The following RAB3IP variants were observed in gnomAD, a reference collection of about 807,000 sequenced individuals.
RAB3IP encodes rab-3A-interacting protein.
RAB3IP carries 36 observed loss-of-function variants against 59.1 expected under a neutral mutation model. That is an observed-to-expected ratio of 0.61 (90% CI 0.47 to 0.80). The LOEUF (loss-of-function observed/expected upper bound fraction) is 0.80, where lower values mean the gene tolerates loss of function less well. Among genes scored for constraint, RAB3IP ranks in the 30% least tolerant of loss-of-function variants. The probability of loss-of-function intolerance (pLI) is 0.00; values close to 1 mark genes in which losing one functional copy is unlikely to be tolerated. For synonymous variants in RAB3IP, 207 were observed against 191.2 expected (o/e 1.08, Z -0.68); for missense variants, 511 against 536.0 (o/e 0.95, Z 0.46).
Position 69,812,808 on chromosome 12 carries a change from C to T in RAB3IP, c.1161C>T (p.Ser387=). 6.2e-7 allele frequency: 1 copy of T among 1,613,088 alleles called. No individual in the cohort carries two copies. The highest frequency in any genetic ancestry group is 1.3e-5 in the African/African-American group (1 of 75,008). Residue 387 remains serine (S), a synonymous_variant, in exon 9 of 11, where the codon TCC becomes TCT. Transcript: ENST00000247833. ...GTGCTCTCACTGGCCAGAGTAAGTC[C>T]TGTAAACACAGAATTAAATTAGGGG... The part of the protein sequence containing the change: ...KKCALTGQSK[S]CKHRIKLGDS...
intron 1 of RAB3IP, among the ~76,000 whole-genome samples, chr12:69,740,873 C>G (rs867108392): frequency 1.3e-5 from 2 of 152,166 alleles, no homozygotes; most frequent in African/African-American, 4.8e-5. Flanking sequence ...ATAGTAGTTA[C>G]TATACTTTTT....
At chr12:69,779,895 T>G (rs997573395) in intron 3 of RAB3IP, among the ~76,000 whole-genome samples, 1 of 152,194 alleles carries the variant, frequency 6.6e-6, no homozygotes. Context: ...TTGTTCTGAA[T>G]GCTTGTGGAT....
intron 8 of RAB3IP, among the ~76,000 whole-genome samples, chr12:69,802,104 A>C (rs1878481339): frequency 6.6e-6 from 1 of 151,592 alleles, no homozygotes; most frequent in Non-Finnish European, 1.5e-5. Flanking sequence ...ATTGTGACCT[A>C]TTAGTGGATT....
At chr12:69,745,459 CTGAA>C (rs920966802) in intron 1 of RAB3IP, among the ~76,000 whole-genome samples, 5 of 150,624 alleles carry the variant, frequency 3.3e-5, no homozygotes, top group Non-Finnish European at 7.4e-5. Flanking sequence ...CTGTAAGGAG[CTGAA>C]TAAGTATTAA....
chr12:69,758,236 G>C (rs573714297), intron 3 of RAB3IP, among the ~76,000 whole-genome samples: 1 of 152,086 alleles, frequency 6.6e-6, no homozygotes, highest in African/African-American at 2.4e-5. Flanking sequence ...TATAGATAGT[G>C]TACAGTTAGG....
chr12:69,809,490 A>C (rs1880045069), intron 8 of RAB3IP, among the ~76,000 whole-genome samples: 3 of 152,168 alleles, frequency 2.0e-5, no homozygotes, highest in Admixed American at 6.5e-5. Flanking sequence ...TATCCTGCAG[A>C]GTGTTTTCCA....
At chr12:69,802,012 C>G (rs918256249) in intron 8 of RAB3IP, among the ~76,000 whole-genome samples, 4 of 147,074 alleles carry the variant, frequency 2.7e-5, no homozygotes, top group Admixed American at 2.0e-4. Flanking sequence ...CAACCCAATA[C>G]AGTAATATAC....
rs527268804 is a variant in RAB3IP, at chr12:69,779,230, C to T, written c.511-5490C>T. The T allele has an allele frequency of 1.0e-4, 15 of 143,818 alleles. No individual in the cohort carries two copies. The East Asian group carries it at 2.7e-3, about 26-fold the overall frequency. 8.9% of individuals were successfully genotyped at this position (143,818 alleles called of 1,614,324 possible). ...GACTCGGAAAGGGAACTCCCTGACC[C>T]CTTGCGCTTCCCAGGTGAGGCAATG... On this transcript the variant is annotated intron_variant, in intron 3 of 10. Transcript: ENST00000247833.
At chr12:69,781,152 C>T (rs912911506) in intron 3 of RAB3IP, among the ~76,000 whole-genome samples, 6 of 151,934 alleles carry the variant, frequency 3.9e-5, no homozygotes, top group African/African-American at 1.5e-4. Context: ...TATTTTACAT[C>T]CCTTGAGCTT....
intron 1 of RAB3IP, among the ~76,000 whole-genome samples, chr12:69,751,346 G>A (rs927547028): frequency 1.3e-5 from 2 of 152,082 alleles, no homozygotes; most frequent in African/African-American, 4.8e-5. Flanking sequence ...GTACATTTCT[G>A]TCCCAGGCTG....
intron 1 of RAB3IP, among the ~76,000 whole-genome samples, chr12:69,744,476 G>A (rs2070277595): frequency 6.6e-6 from 1 of 152,070 alleles, no homozygotes; most frequent in African/African-American, 2.4e-5. Flanking sequence ...TGTAGTCCCA[G>A]CACTTGGGAG....
Position 69,753,310 on chromosome 12 carries a change from C to T in RAB3IP, c.-25-2074C>T, listed in dbSNP as rs145330448. ...TTTCAGCTAGTTTAACAAATGACTA[C>T]TTCTGTATCTTATGGAAGAAATGAT... On this transcript the variant is annotated intron_variant, in intron 1 of 10. Transcript: ENST00000247833. Among the ~76,000 whole-genome samples the T allele has an allele frequency of 4.8e-3, 735 of 152,232 alleles. 2 individuals carry two copies. The highest frequency in any genetic ancestry group is 8.0e-3 in the Non-Finnish European group (545 of 68,000).
chr12:69,744,342 T>C (rs1887639054), intron 1 of RAB3IP, among the ~76,000 whole-genome samples: 1 of 152,158 alleles, frequency 6.6e-6, no homozygotes, highest in Non-Finnish European at 1.5e-5. Flanking sequence ...TAATATTAGC[T>C]CATAAGTTCA....
At chr12:69,791,944 T>G (rs774032088) in intron 4 of RAB3IP, among the ~76,000 whole-genome samples, 2 of 152,038 alleles carry the variant, frequency 1.3e-5, no homozygotes, top group Admixed American at 6.6e-5. Context: ...AAAGAAAATG[T>G]GGGGGGTATG....
At chr12:69,795,386 TGTTA>T (rs778538320) in intron 6 of RAB3IP, 42 bp downstream of exon 6, 30 of 1,503,296 alleles carry the variant, frequency 2.0e-5, no homozygotes, top group Admixed American at 6.8e-5. Context: ...TGTTGATACT[TGTTA>T]GTTCTCATCA....
At chr12:69,772,197 A>T (rs1176241785) in intron 3 of RAB3IP, among the ~76,000 whole-genome samples, 2 of 152,188 alleles carry the variant, frequency 1.3e-5, no homozygotes, top group African/African-American at 4.8e-5. Flanking sequence ...TTTTTGGCTT[A>T]AAGTCTGTTT....
intron 8 of RAB3IP, among the ~76,000 whole-genome samples, chr12:69,810,291 G>C (rs1363790711): frequency 6.6e-6 from 1 of 152,182 alleles, no homozygotes; most frequent in Non-Finnish European, 1.5e-5. Flanking sequence ...GGCAGTGTGA[G>C]GTGTCAGTCC....
chr12:69,813,127 T>G (rs911022773), intron 10 of RAB3IP, 94 bp downstream of exon 10: 10 of 809,542 alleles, frequency 1.2e-5, no homozygotes, highest in Admixed American at 1.2e-4. Flanking sequence ...GTAGTAATGC[T>G]CATATCAGCT....
intron 1 of RAB3IP, among the ~76,000 whole-genome samples, chr12:69,740,483 A>G (rs1039689685): frequency 1.3e-5 from 2 of 152,320 alleles, no homozygotes; most frequent in Middle Eastern, 3.4e-3. Flanking sequence ...ATTTTTTTCC[A>G]TTACAGTAAT....
Sources: gnomAD v4.1 joint callset for allele counts (sites outside exome capture counted in the v4.1 genomes callset) on GRCh38, gnomAD v4.1.1 for gene constraint, MANE v1.5 for transcripts, NCBI Gene and HGNC (gene_info 2026-07-23, HGNC 2026-07-21) for gene names.